Variants in PCLO observed in about 807,000 individuals in gnomAD.
PCLO encodes piccolo presynaptic cytomatrix protein.
PCLO carries 82 observed loss-of-function variants against 427.5 expected under a neutral mutation model. The observed-to-expected ratio is 0.19, with a 90% CI of 0.16 to 0.23. The LOEUF is 0.23. Among genes scored for constraint, PCLO ranks in the 10% least tolerant of loss-of-function variants. PCLO has a pLI of 1.00. For synonymous variants in PCLO, 2,357 were observed against 2,155.4 expected, an observed-to-expected ratio of 1.09 and a Z score of -2.59; for missense variants, 6,239 against 6,115.9, an observed-to-expected ratio of 1.02 and a Z score of -0.67.
At chr7:82,890,280 A>G (rs1005714440) in intron 9 of PCLO, among the ~76,000 whole-genome samples, 3 of 152,016 alleles carry the variant, frequency 2.0e-5, no homozygotes, top group Non-Finnish European at 4.4e-5. Flanking sequence ...AAAGAGAAGC[A>G]TTGCAAAAAT....
intron 10 of PCLO, among the ~76,000 whole-genome samples, chr7:82,849,381 C>G (rs183746113): frequency 6.6e-6 from 1 of 152,246 alleles, no homozygotes; most frequent in East Asian, 1.9e-4. Context: ...AATGGAAATT[C>G]TTTTTGCGCC....
At chr7:82,874,976 C>T (rs1793335438) in intron 10 of PCLO, among the ~76,000 whole-genome samples, 1 of 152,156 alleles carries the variant, frequency 6.6e-6, no homozygotes, top group Non-Finnish European at 1.5e-5. Context: ...AATAGCACTT[C>T]AGAAACTTAG....
At chr7:82,821,271 T>C (rs770641436) in intron 20 of PCLO, 46 of 986,656 alleles carry the variant, frequency 4.7e-5, no homozygotes, top group Admixed American at 6.1e-5. Context: ...CTGGCATGAT[T>C]AGACTGACCG....
chr7:82,837,143 G>C (rs1035969364), intron 15 of PCLO, among the ~76,000 whole-genome samples: 2 of 151,972 alleles, frequency 1.3e-5, no homozygotes, highest in Non-Finnish European at 2.9e-5. Flanking sequence ...TTATTTTTCA[G>C]AAATATATAC....
intron 22 of PCLO, among the ~76,000 whole-genome samples, chr7:82,792,552 T>C (rs1791126390): frequency 6.6e-6 from 1 of 152,110 alleles, no homozygotes; most frequent in Non-Finnish European, 1.5e-5. Flanking sequence ...TCTCTTGAAC[T>C]CTTGGACTCA....
rs1396837686 is a variant in PCLO, at chr7:83,135,607, C to T, written c.1943G>A (p.Gly648Glu). Residue 648 changes from glycine (G) to glutamate (E), a missense_variant, in exon 3 of 25, where the codon GGG becomes GAG. Physicochemically the swap from Gly to Glu is moderately conservative, Grantham distance 98. Transcript: ENST00000333891. The stretch of plus-strand genomic sequence containing the variant: ...TGATGACGGAACTGGAGCCAGATCC[C>T]CGCCTAGAGCTCTTTTCATTTGACA... ...LNCQMKRALG[G>E]DLAPVPSSPQ... is the part of the protein sequence containing the mutation. The T allele has an allele frequency of 6.2e-7, 1 of 1,611,272 alleles. No individual in the cohort carries two copies. The highest frequency in any genetic ancestry group is 8.5e-7 in the Non-Finnish European group (1 of 1,178,672).
chr7:83,087,221 T>TAA (rs34272716), intron 3 of PCLO, among the ~76,000 whole-genome samples: 1 of 146,102 alleles, frequency 6.8e-6, no homozygotes, highest in Non-Finnish European at 1.5e-5. Context: ...TAAAGCATAA[T>TAA]AAAAAAAAAA....
intron 21 of PCLO, 29 bp from the exon 22 acceptor site, chr7:82,801,620 T>C (rs763779967): frequency 3.0e-6 from 4 of 1,352,572 alleles, no homozygotes; most frequent in Non-Finnish European, 4.2e-6. Flanking sequence ...AAATGATATA[T>C]TCAGTTATGA....
chr7:82,924,095 G>A (rs1018987751), intron 6 of PCLO, among the ~76,000 whole-genome samples: 2 of 152,036 alleles, frequency 1.3e-5, no homozygotes, highest in Non-Finnish European at 2.9e-5. Context: ...TATATTTATT[G>A]ATGATGAGAA....
At chr7:83,100,234 C>T (rs369081196) in intron 3 of PCLO, among the ~76,000 whole-genome samples, 270 of 152,218 alleles carry the variant, frequency 1.8e-3, no homozygotes, top group African/African-American at 6.2e-3. Flanking sequence ...AGTTCAGCTA[C>T]TGTGGAAGTC....
chr7:82,988,805 A>G (rs1203195811), intron 3 of PCLO, among the ~76,000 whole-genome samples: 1 of 151,452 alleles, frequency 6.6e-6, no homozygotes, highest in Non-Finnish European at 1.5e-5. Flanking sequence ...AAGGAGCAGA[A>G]TTTATTTTTT....
At chr7:82,783,245 T>C (rs1303606317) in intron 22 of PCLO, among the ~76,000 whole-genome samples, 1 of 152,236 alleles carries the variant, frequency 6.6e-6, no homozygotes, top group Non-Finnish European at 1.5e-5. Context: ...TTTGAGTTTG[T>C]TTGTGTAGTT....
Position 82,949,480 on chromosome 7 carries a change from T to C in PCLO, c.11108A>G (p.Tyr3703Cys). The change falls in exon 6 of 25, where the codon TAT becomes TGT. Residue 3703 changes from tyrosine (Y) to cysteine (C), a missense_variant. Coordinates refer to ENST00000333891, the MANE Select transcript of PCLO (RefSeq NM_033026.6). ...ACTGAAAAGAATCACTCTTACCGTA[T>C]AGCCCTCGGTATACTGAAAAGGAGC... The part of the protein sequence containing the change: ...SRAPFQYTEG[Y>C]TTKGSQTMTS... 1 of 1,587,434 alleles carries C rather than the reference T, an allele frequency of 6.3e-7. No homozygotes were observed. Among genetic ancestry groups the C allele is most frequent in the Non-Finnish European group, 8.6e-7 (1 of 1,168,048 alleles).
At position 82,950,293 on chromosome 7, in the gene PCLO, T is replaced by C. The variant is rs2116420374; in HGVS notation, c.10295A>G (p.Asp3432Gly). Reference protein sequence around the residue: ...QYDDMGENMTDDPRSFKKIVD... With the variant: ...QYDDMGENMTGDPRSFKKIVD... The stretch of plus-strand genomic sequence containing the variant: ...TATCTTTTTAAAACTTCGGGGATCA[T>C]CTGTCATATTTTCTCCCATGTCATC... The change falls in exon 6 of 25, where the codon GAT (aspartate) becomes GGT (glycine). Residue 3432 changes from aspartate (D) to glycine (G), a missense_variant. Asp to Gly is a moderately conservative substitution (Grantham distance 94). Coordinates refer to ENST00000333891, the MANE Select transcript of PCLO (RefSeq NM_033026.6). 1 of 1,613,592 alleles carries C rather than the reference T, an allele frequency of 6.2e-7. No individual in the cohort carries two copies. The highest frequency in any genetic ancestry group is 1.6e-4 in the Middle Eastern group (1 of 6,062).
chr7:82,984,408 C>G (rs62458575), intron 3 of PCLO, among the ~76,000 whole-genome samples: 9 of 135,934 alleles, frequency 6.6e-5, no homozygotes, highest in East Asian at 2.2e-4. Flanking sequence ...AATGTGGTGT[C>G]TGTGTGTGTG....
intron 3 of PCLO, among the ~76,000 whole-genome samples, chr7:83,022,644 C>T (rs1414613654): frequency 2.6e-5 from 4 of 152,128 alleles, no homozygotes; most frequent in African/African-American, 9.7e-5. Context: ...TACAATATTC[C>T]ATATTTTCTT....
intron 3 of PCLO, among the ~76,000 whole-genome samples, chr7:83,025,232 G>C (rs1436985349): frequency 6.6e-6 from 1 of 152,028 alleles, no homozygotes; most frequent in Admixed American, 6.6e-5. Context: ...TGTAGAATTA[G>C]AATAACCAAT....
At chr7:82,837,626 A>G (rs1251694370) in intron 15 of PCLO, among the ~76,000 whole-genome samples, 1 of 151,998 alleles carries the variant, frequency 6.6e-6, no homozygotes, top group East Asian at 1.9e-4. Context: ...ACTTGCTTAT[A>G]TCAACAATTT....
At chr7:82,914,221 A>G (rs149169824) in intron 7 of PCLO, 31 of 262,938 alleles carry the variant, frequency 1.2e-4, no homozygotes, top group African/African-American at 5.9e-4. Context: ...TCTCATAAAC[A>G]TGCCATAAAT....
Sources: allele counts gnomAD v4.1 joint callset (sites outside exome capture counted in the v4.1 genomes callset), GRCh38; gene constraint gnomAD v4.1.1; transcripts MANE v1.5; gene names NCBI Gene and HGNC (gene_info 2026-07-23, HGNC 2026-07-21).